The following FANCB variants were observed in gnomAD, a reference collection of about 807,000 sequenced individuals.
FANCB encodes FA complementation group B, also known as Fanconi anemia group B protein.
Under a neutral mutation model 38.9 loss-of-function variants are expected in FANCB, and 5 were observed. The observed-to-expected ratio is 0.13, with a 90% CI of 0.07 to 0.27. The LOEUF (loss-of-function observed/expected upper bound fraction) is 0.27. Ranked by LOEUF, FANCB falls within the 10% of genes least tolerant of loss-of-function variation. The pLI is 1.00. For synonymous variants in FANCB, 236 were observed against 215.4 expected (o/e 1.10, Z -0.84); for missense variants, 573 against 602.7 (o/e 0.95, Z 0.52).
the FANCB span, among the ~76,000 whole-genome samples, chrX:14,781,342 G>A: frequency 1.8e-5 from 2 of 110,598 alleles, no homozygotes; most frequent in Non-Finnish European, 3.8e-5. Context: ...GCTGAGGAAC[G>A]AGAATCACTT....
intron 2 of FANCB, 58 bp from the exon 3 acceptor site, chrX:14,865,638 G>A (rs755337948): frequency 1.0e-5 from 5 of 495,884 alleles, no homozygotes; most frequent in African/African-American, 2.4e-5. Flanking sequence ...AAGAAAACAC[G>A]TTTCTGTTAG....
chrX:14,810,947 A>G, the FANCB span, among the ~76,000 whole-genome samples: 2 of 112,363 alleles, frequency 1.8e-5, no homozygotes, highest in African/African-American at 6.5e-5. Flanking sequence ...AGGGAAGCCC[A>G]TCAGACTAAC....
At chrX:14,843,387 G>T, downstream of FANCB, 1 of 408,871 alleles carries the variant, frequency 2.4e-6, no homozygotes, top group South Asian at 4.3e-5. Flanking sequence ...AGAGGAGAGG[G>T]AGATAAAATG....
chrX:14,804,312 G>T, the FANCB span, among the ~76,000 whole-genome samples: 3 of 112,050 alleles, frequency 2.7e-5, no homozygotes, highest in Admixed American at 1.9e-4. Context: ...CCATAAAAAA[G>T]GATGAGTTCA....
At chrX:14,758,681 C>G in the FANCB span, among the ~76,000 whole-genome samples, 1 of 111,736 alleles carries the variant, frequency 8.9e-6, no homozygotes, top group African/African-American at 3.3e-5. Flanking sequence ...GGGAGAGCAC[C>G]ATATCAAGGG....
chrX:14,689,865 C>T, the FANCB span, among the ~76,000 whole-genome samples: 29 of 111,935 alleles, frequency 2.6e-4, no homozygotes, highest in Non-Finnish European at 3.6e-4. Context: ...AGATGAGGGG[C>T]ATTTTCCATT....
At chrX:14,779,944 T>G in the FANCB span, among the ~76,000 whole-genome samples, 4 of 111,213 alleles carry the variant, frequency 3.6e-5, no homozygotes, top group Non-Finnish European at 7.5e-5. Flanking sequence ...TTGGACATTT[T>G]CCAAGTGTGT....
In FANCB at chrX:14,845,030, A is replaced by G; in HGVS notation, c.1753T>C (p.Ser585Pro). Reference protein sequence around the residue: ...VQIITAVTSLSPLLTFSKFCC... With the variant: ...VQIITAVTSLPPLLTFSKFCC... ...AATTTACTGAATGTTAAAAGTGGTG[A>G]AAGAGATGTTACAGCAGTAATTATC... is the stretch of plus-strand genomic sequence containing the variant. The change falls in exon 8 of 10, where the codon TCA (serine) becomes CCA (proline). Residue 585 changes from serine (S) to proline (P), a missense_variant. Ser to Pro is a moderately conservative substitution (Grantham distance 74, BLOSUM62 -1). Coordinates refer to ENST00000650831, the MANE Select transcript of FANCB (RefSeq NM_001018113.3). 3.3e-6 allele frequency: 4 copies of G among 1,209,839 alleles called. No homozygotes were observed. The highest frequency in any genetic ancestry group is 4.5e-6 in the Non-Finnish European group (4 of 893,642).
At chrX:14,787,386 G>A in the FANCB span, among the ~76,000 whole-genome samples, 2 of 109,804 alleles carry the variant, frequency 1.8e-5, no homozygotes, top group Non-Finnish European at 3.8e-5. Flanking sequence ...GTGGGGGTGT[G>A]GAAAAAGGGG....
chrX:14,698,268 CCT>C, the FANCB span, among the ~76,000 whole-genome samples: 1 of 111,465 alleles, frequency 9.0e-6, no homozygotes, highest in Non-Finnish European at 1.9e-5. Flanking sequence ...AGATTTTGCC[CCT>C]GAGGCCTCAC....
chrX:14,844,648 C>G lies in FANCB; in HGVS notation c.2020G>C (p.Val674Leu), dbSNP rs2092368233. Residue 674 changes from valine to leucine, a missense_variant, in exon 9 of 10, where the codon GTG (valine) becomes CTG (leucine). Physicochemically the swap from Val to Leu is conservative, Grantham distance 32. Coordinates refer to ENST00000650831, the MANE Select transcript of FANCB (RefSeq NM_001018113.3). Reference sequence around the variant, plus strand: ...CATTTCATATGTTCTAAGAGCCACACCTTCATTGAATTCAGGGCATAGCCG... The same window carrying G: ...CATTTCATATGTTCTAAGAGCCACAGCTTCATTGAATTCAGGGCATAGCCG... The part of the protein sequence containing the change: ...SPGYALNSMK[V>L]WLLEHMKCEI... 8.3e-7 allele frequency: 1 copy of G among 1,209,468 alleles called. No individual in the cohort carries two copies. Among genetic ancestry groups the G allele is most frequent in the Admixed American group, 2.2e-5 (1 of 46,008 alleles).
intron 5 of FANCB, 108 bp from the exon 6 acceptor site, chrX:14,853,275 T>G: frequency 2.7e-6 from 2 of 733,491 alleles, no homozygotes. Flanking sequence ...CAATTCATTT[T>G]TCTATAGAAA....
chrX:14,822,973 T>C, the FANCB span, among the ~76,000 whole-genome samples: 1 of 111,306 alleles, frequency 9.0e-6, no homozygotes, highest in South Asian at 3.8e-4. Context: ...TATTCAGTAG[T>C]TTCAGACATA....
intron 3 of FANCB, among the ~76,000 whole-genome samples, chrX:14,861,911 C>T (rs1033070498): frequency 3.6e-5 from 4 of 110,727 alleles, no homozygotes; most frequent in Non-Finnish European, 5.7e-5. Context: ...GCGGGGCGAT[C>T]TCAGCTCACT....
At chrX:14,776,916 A>G in the FANCB span, among the ~76,000 whole-genome samples, 4 of 111,943 alleles carry the variant, frequency 3.6e-5, no homozygotes, top group Non-Finnish European at 5.6e-5. Context: ...AAGGCAGTTG[A>G]GGTGTTGAAG....
chrX:14,837,716 A>T (rs1404286845), intron 10 of FANCB, among the ~76,000 whole-genome samples: 1 of 112,516 alleles, frequency 8.9e-6, no homozygotes, highest in African/African-American at 3.2e-5. Context: ...CTGTCAAGAC[A>T]TGATAGTGTT....
chrX:14,824,101 C>T, the FANCB span, among the ~76,000 whole-genome samples: 4 of 111,675 alleles, frequency 3.6e-5, no homozygotes, highest in African/African-American at 1.3e-4. Context: ...AACCCTTGCC[C>T]GAAAACCTTC....
chrX:14,859,218 T>C lies in FANCB; in HGVS notation c.1068A>G (p.Ser356=), dbSNP rs1047592802. The change falls in exon 4 of 10, where the codon TCA becomes TCG. Residue 356 remains serine, a synonymous_variant. Coordinates refer to ENST00000650831, the MANE Select transcript of FANCB (RefSeq NM_001018113.3). The part of the protein sequence containing the change: ...KDSLNSDCLT[S]FKITDLGKIN... ...TTTTTCCAAGATCCGTTATTTTAAATGAAGTCAGGCAGTCTGAGTTCAAGG... is the reference window on the plus strand; with the variant it reads ...TTTTTCCAAGATCCGTTATTTTAAACGAAGTCAGGCAGTCTGAGTTCAAGG... The C allele has an allele frequency of 8.4e-7, 1 of 1,191,252 alleles. No individual in the cohort carries two copies. The highest frequency in any genetic ancestry group is 1.7e-5 in the African/African-American group (1 of 57,474).
chrX:14,831,281 C>T (rs146229024), downstream of FANCB, among the ~76,000 whole-genome samples: 352 of 112,457 alleles, frequency 3.1e-3, 1 homozygote, highest in African/African-American at 0.01. Flanking sequence ...AAATGGGCTC[C>T]GCCTAAAAGG....
Sources: gnomAD v4.1 joint callset for allele counts (sites outside exome capture counted in the v4.1 genomes callset) on GRCh38, gnomAD v4.1.1 for gene constraint, MANE v1.5 for transcripts, NCBI Gene and HGNC (gene_info 2026-07-23, HGNC 2026-07-21) for gene names.